ZNF334: variants seen among roughly 807,000 people sequenced by gnomAD.
The protein encoded by ZNF334 is zinc finger protein 334.
ZNF334 carries 14 observed loss-of-function variants against 12.4 expected under a neutral mutation model. The ratio of observed to expected loss-of-function variants is 1.13; its 90% CI spans 0.74 to 1.76. The LOEUF (loss-of-function observed/expected upper bound fraction) is 1.76. Among genes scored for constraint, ZNF334 ranks in the 40% most tolerant of loss-of-function variants. The pLI is 0.00. For missense variants in ZNF334, 797 were observed against 804.5 expected (o/e 0.99, Z 0.11); for synonymous variants, 273 against 269.6 (o/e 1.01, Z -0.12).
chr20:46,491,016 G>A, the ZNF334 span: 3 of 152,572 alleles, frequency 2.0e-5, no homozygotes, highest in African/African-American at 7.2e-5. Context: ...CATAAGGTAG[G>A]GGAAACCCAC....
chr20:46,507,054 T>C (rs998596808), intron 2 of ZNF334, among the ~76,000 whole-genome samples: 1 of 151,736 alleles, frequency 6.6e-6, no homozygotes, highest in Non-Finnish European at 1.5e-5. Context: ...GTCAAGACTT[T>C]AGTGAGCTAT....
At chr20:46,506,092 A>G in intron 2 of ZNF334, 1 of 365,200 alleles carries the variant, frequency 2.7e-6, no homozygotes. Flanking sequence ...TAGGAAATGA[A>G]GGCACTGATC....
the ZNF334 span, among the ~76,000 whole-genome samples, chr20:46,465,505 C>G: frequency 6.6e-6 from 1 of 152,138 alleles, no homozygotes; most frequent in Non-Finnish European, 1.5e-5. Flanking sequence ...TGAGACCATC[C>G]TGGGCAACAT....
chr20:46,481,799 C>G, the ZNF334 span, among the ~76,000 whole-genome samples: 8 of 152,246 alleles, frequency 5.3e-5, no homozygotes, highest in African/African-American at 1.9e-4. Context: ...GATGGGTAAA[C>G]AGAAGAAAAT....
chr20:46,503,671 G>C (rs151138772), intron 4 of ZNF334, among the ~76,000 whole-genome samples: 25 of 152,302 alleles, frequency 1.6e-4, no homozygotes, highest in African/African-American at 5.5e-4. Context: ...GCTGGGACTA[G>C]AGGAAGGCAA....
chr20:46,466,638 C>T, the ZNF334 span, among the ~76,000 whole-genome samples: 5 of 152,104 alleles, frequency 3.3e-5, no homozygotes, highest in East Asian at 3.9e-4. Context: ...TACGCACCAT[C>T]GCACCTGGCT....
chr20:46,504,405 T>C, intron 3 of ZNF334, 99 bp from the exon 4 acceptor site: 1 of 1,208,072 alleles, frequency 8.3e-7, no homozygotes, highest in South Asian at 1.4e-5. Flanking sequence ...GCAATGAAGA[T>C]GCCCAGCAAT....
At chr20:46,471,214 T>C in the ZNF334 span, among the ~76,000 whole-genome samples, 1 of 152,188 alleles carries the variant, frequency 6.6e-6, no homozygotes, top group Non-Finnish European at 1.5e-5. Context: ...TAATTACTGA[T>C]GAGGCTGAGC....
Position 46,501,376 on chromosome 20 carries a change from G to A in ZNF334, c.1963C>T (p.Pro655Ser). 1 of 1,614,094 alleles carries A rather than the reference G, an allele frequency of 6.2e-7. No individual in the cohort carries two copies. The change falls in exon 5 of 5, where the codon CCT becomes TCT. Residue 655 changes from proline (P) to serine (S), a missense_variant. By Grantham distance (74) the Pro-to-Ser change is moderately conservative (BLOSUM62 -1). Transcript: ENST00000692313. ...EHQKIHTGEK[P>S]YECNKCEKTF... ...TTCTCACATTTGTTACATTCATAAG[G>A]TTTCTCTCCTGTGTGTATTTTCTGA...
the ZNF334 span, among the ~76,000 whole-genome samples, chr20:46,475,925 A>G: frequency 6.6e-6 from 1 of 152,224 alleles, no homozygotes; most frequent in Non-Finnish European, 1.5e-5. Context: ...CATTTATCCC[A>G]GAAAATAAAA....
chr20:46,470,590 T>TC, the ZNF334 span, among the ~76,000 whole-genome samples: 1 of 152,188 alleles, frequency 6.6e-6, no homozygotes, highest in Non-Finnish European at 1.5e-5. Context: ...AGATAAACAC[T>TC]ATATTTTTAT....
chr20:46,488,122 T>C, the ZNF334 span, among the ~76,000 whole-genome samples: 4 of 152,192 alleles, frequency 2.6e-5, no homozygotes, highest in African/African-American at 9.7e-5. Context: ...TTACATTTAC[T>C]GTGATTATTG....
the ZNF334 span, among the ~76,000 whole-genome samples, chr20:46,469,041 T>C: frequency 6.6e-6 from 1 of 152,226 alleles, no homozygotes; most frequent in African/African-American, 2.4e-5. Context: ...CTGATTTCTC[T>C]AGAGAAGATC....
the ZNF334 span, among the ~76,000 whole-genome samples, chr20:46,471,448 GT>G: frequency 6.6e-6 from 1 of 152,244 alleles, no homozygotes; most frequent in Admixed American, 6.5e-5. Flanking sequence ...AGGAACAGGA[GT>G]TCTTAATTTT....
intron 3 of ZNF334, 133 bp downstream of exon 3, chr20:46,504,481 T>C: frequency 7.9e-7 from 1 of 1,260,106 alleles, no homozygotes; most frequent in South Asian, 1.5e-5. Context: ...TACACAAACT[T>C]CTACTGTCTA....
Position 46,512,109 on chromosome 20 carries a change from T to G in ZNF334, c.-7A>C, listed in dbSNP as rs1298495903. 20 of 1,613,710 alleles carry G rather than the reference T, an allele frequency of 1.2e-5. No homozygotes were observed. Among genetic ancestry groups the G allele is most frequent in the Admixed American group, 6.7e-5 (4 of 59,994 alleles). On this transcript the variant is annotated 5_prime_UTR_variant, in exon 2 of 5. Transcript: ENST00000692313. The stretch of plus-strand genomic sequence containing the variant: ...GAAATTTTTTCATTTTCATGTTCTC[T>G]TGAGAAAGGGCCAAGAGTGTTGAAA...
downstream of ZNF334, among the ~76,000 whole-genome samples, chr20:46,498,032 T>C (rs1048050531): frequency 2.0e-5 from 3 of 152,248 alleles, no homozygotes; most frequent in Non-Finnish European, 2.9e-5. Context: ...GAAGCCTCCT[T>C]TGACTACACT....
chr20:46,468,146 T>C, the ZNF334 span, among the ~76,000 whole-genome samples: 4 of 152,202 alleles, frequency 2.6e-5, no homozygotes, highest in African/African-American at 7.2e-5. Context: ...CTGGTGGTGT[T>C]GGACAGTAAC....
At chr20:46,497,222 C>T (rs1036328511), downstream of ZNF334, among the ~76,000 whole-genome samples, 30 of 152,104 alleles carry the variant, frequency 2.0e-4, no homozygotes, top group African/African-American at 6.8e-4. Flanking sequence ...AGAGGTCTGC[C>T]CCAAGCATGA....
Sources: allele counts gnomAD v4.1 joint callset (sites outside exome capture counted in the v4.1 genomes callset), GRCh38; gene constraint gnomAD v4.1.1; transcripts MANE v1.5; gene names NCBI Gene and HGNC (gene_info 2026-07-23, HGNC 2026-07-21).